Variants in PCDHGB1 observed in about 807,000 individuals in gnomAD.
The protein encoded by PCDHGB1 is protocadherin gamma subfamily B, 1, also known as protocadherin gamma-B1.
A neutral mutation model predicts 56.6 loss-of-function variants in PCDHGB1; 34 were observed. The ratio of observed to expected loss-of-function variants is 0.60; its 90% CI spans 0.46 to 0.80. The LOEUF (loss-of-function observed/expected upper bound fraction) is 0.80, where lower values mean the gene tolerates loss of function less well. Ranked by LOEUF, PCDHGB1 falls within the 30% of genes least tolerant of loss-of-function variation. The pLI, the probability that PCDHGB1 is intolerant of heterozygous loss-of-function variation, is 0.00. For synonymous variants in PCDHGB1, 561 were observed against 505.9 expected (o/e 1.11, Z -1.46); for missense variants, 1,278 against 1,204.6 (o/e 1.06, Z -0.90).
At chr5:141,360,207 G>C in intron 1 of PCDHGB1, 1 of 1,613,064 alleles carries the variant, frequency 6.2e-7, no homozygotes, top group Non-Finnish European at 8.5e-7. Flanking sequence ...TGTTGTCTTT[G>C]TTCCCCGGGG....
intron 1 of PCDHGB1, chr5:141,422,812 T>C: frequency 6.2e-7 from 1 of 1,614,206 alleles, no homozygotes; most frequent in South Asian, 1.1e-5. Context: ...GTTTCGAGAC[T>C]TAGAACTGAG....
chr5:141,365,178 A>G, intron 1 of PCDHGB1: 2 of 1,613,928 alleles, frequency 1.2e-6, no homozygotes, highest in Non-Finnish European at 1.7e-6. Flanking sequence ...TCTTTTCGCA[A>G]TGAAGAAGAA....
At chr5:141,393,094 A>T in intron 1 of PCDHGB1, 4 of 1,613,606 alleles carry the variant, frequency 2.5e-6, no homozygotes, top group Non-Finnish European at 3.4e-6. Flanking sequence ...GATCGGGAGG[A>T]GCTCTGCGCT....
intron 2 of PCDHGB1, among the ~76,000 whole-genome samples, chr5:141,502,829 C>A (rs1034808123): frequency 2.0e-5 from 3 of 150,428 alleles, no homozygotes; most frequent in African/African-American, 7.4e-5. Context: ...CTTGGGGAAG[C>A]CTGGACTGGC....
At chr5:141,419,004 T>C in intron 1 of PCDHGB1, 1 of 1,613,886 alleles carries the variant, frequency 6.2e-7, no homozygotes, top group Non-Finnish European at 8.5e-7. Context: ...AATGGGGAAG[T>C]CAGGTGTAGC....
intron 1 of PCDHGB1, chr5:141,360,796 C>T (rs1267139317): frequency 6.2e-7 from 1 of 1,613,950 alleles, no homozygotes; most frequent in Admixed American, 1.7e-5. Context: ...CGGAGACCCA[C>T]CTCAAAGTGG....
At chr5:141,500,241 C>T (rs1284996879) in intron 2 of PCDHGB1, among the ~76,000 whole-genome samples, 18 of 150,770 alleles carry the variant, frequency 1.2e-4, no homozygotes, top group Non-Finnish European at 1.5e-5. Flanking sequence ...CGTAGCCTTG[C>T]TCTGTCACCC....
At chr5:141,364,468 C>A (rs1305196130) in intron 1 of PCDHGB1, 9 of 1,614,006 alleles carry the variant, frequency 5.6e-6, no homozygotes, top group Non-Finnish European at 7.6e-6. Context: ...CCTTCGTCGG[C>A]AACATAGCCA....
At chr5:141,463,301 A>G (rs1277348576) in intron 1 of PCDHGB1, among the ~76,000 whole-genome samples, 2 of 151,638 alleles carry the variant, frequency 1.3e-5, no homozygotes, top group South Asian at 2.1e-4. Flanking sequence ...AATCTCCCCA[A>G]ACTCTAATAT....
intron 1 of PCDHGB1, chr5:141,414,130 T>C (rs761622500): frequency 6.3e-7 from 1 of 1,594,602 alleles, no homozygotes; most frequent in South Asian, 1.1e-5. Context: ...AACCGGTTTC[T>C]ATGAAATAGA....
intron 1 of PCDHGB1, among the ~76,000 whole-genome samples, chr5:141,437,929 G>A (rs1479763331): frequency 6.6e-6 from 1 of 151,960 alleles, no homozygotes; most frequent in East Asian, 1.9e-4. Context: ...GTAGAGATGG[G>A]GTTTCACCAT....
At chr5:141,374,203 G>A (rs375029709) in intron 1 of PCDHGB1, 16 of 1,613,808 alleles carry the variant, frequency 9.9e-6, no homozygotes, top group Non-Finnish European at 1.1e-5. Flanking sequence ...AGGAGCTGGA[G>A]AAAGGCTCCT....
chr5:141,459,947 A>T (rs2098978538), intron 1 of PCDHGB1, among the ~76,000 whole-genome samples: 1 of 152,200 alleles, frequency 6.6e-6, no homozygotes, highest in African/African-American at 2.4e-5. Context: ...GCGTGATGGC[A>T]GGTGCCTGTA....
chr5:141,386,043 T>A (rs1356183154), intron 1 of PCDHGB1: 7 of 152,254 alleles, frequency 4.6e-5, no homozygotes, highest in Admixed American at 1.3e-4. Context: ...GGCAATTACA[T>A]GTTTTAACAG....
Position 141,490,179 on chromosome 5 carries a change from A to G in PCDHGB1, c.2410-4628A>G. On this transcript the variant is annotated intron_variant, in intron 1 of 3. Transcript: ENST00000523390. This position sits in a 1 kb window ranked among gnomAD's most constrained non-coding sequence, Gnocchi z 5.4. Reference sequence around the variant, plus strand: ...TGGGTCCCATAGACTTTGAGGAGTCACGTTTCTATGAAATTCATGCAAGAG... The same window carrying G: ...TGGGTCCCATAGACTTTGAGGAGTCGCGTTTCTATGAAATTCATGCAAGAG... 1 of 1,614,202 alleles carries G rather than the reference A, an allele frequency of 6.2e-7. No individual in the cohort carries two copies. Among genetic ancestry groups the G allele is most frequent in the East Asian group, 2.2e-5 (1 of 44,882 alleles).
intron 1 of PCDHGB1, chr5:141,423,723 T>C: frequency 8.5e-7 from 1 of 1,174,478 alleles, no homozygotes; most frequent in Non-Finnish European, 1.1e-6. Context: ...TAAGGAGATG[T>C]TTTTTGAGCC....
intron 1 of PCDHGB1, among the ~76,000 whole-genome samples, chr5:141,425,382 G>A (rs1455106607): frequency 1.3e-5 from 2 of 152,208 alleles, no homozygotes; most frequent in African/African-American, 4.8e-5. Context: ...TTGATTCGGA[G>A]GTAGTGATAA....
chr5:141,404,165 T>G, intron 1 of PCDHGB1: 1 of 1,613,246 alleles, frequency 6.2e-7, no homozygotes, highest in Non-Finnish European at 8.5e-7. Flanking sequence ...TTACAGATTG[T>G]TGACGGCCCA....
intron 1 of PCDHGB1, chr5:141,423,368 C>A: frequency 3.1e-6 from 5 of 1,614,200 alleles, no homozygotes; most frequent in Non-Finnish European, 4.2e-6. Context: ...GTGCTGCTGG[C>A]ACTCAGGCTG....
Sources: gnomAD v4.1 joint callset for allele counts (sites outside exome capture counted in the v4.1 genomes callset) on GRCh38, gnomAD v4.1.1 for gene constraint, Gnocchi (gnomAD v3.1) non-coding constraint, MANE v1.5 for transcripts, NCBI Gene and HGNC (gene_info 2026-07-23, HGNC 2026-07-21) for gene names.